TTC29: variants seen among roughly 807,000 people sequenced by gnomAD.
TTC29 encodes tetratricopeptide repeat domain 29, also known as tetratricopeptide repeat protein 29.
A neutral mutation model predicts 58.1 loss-of-function variants in TTC29; 49 were observed. That is an observed-to-expected ratio of 0.84 (90% CI 0.67 to 1.07). TTC29 has a LOEUF of 1.07. TTC29 is among the 50% of genes least tolerant of loss of function. The pLI is 0.00. For missense variants in TTC29, 582 were observed against 555.6 expected (o/e 1.05, Z -0.48); for synonymous variants, 209 against 196.8 (o/e 1.06, Z -0.52).
chr4:146,771,375 A>T (rs1747714471), intron 11 of TTC29, among the ~76,000 whole-genome samples: 1 of 152,044 alleles, frequency 6.6e-6, no homozygotes, highest in Non-Finnish European at 1.5e-5. Context: ...TAAGCATAGT[A>T]TCTGATAGGT....
chr4:146,800,459 A>T (rs1458976083), intron 11 of TTC29, among the ~76,000 whole-genome samples: 1 of 152,208 alleles, frequency 6.6e-6, no homozygotes, highest in African/African-American at 2.4e-5. Flanking sequence ...GGACTCTTCA[A>T]TGGCAAGATT....
rs1463604298 is a variant in TTC29 at position 146,874,927 on chromosome 4, AC to A, written c.587del (p.Gly196ValfsTer16). On this transcript the variant is annotated frameshift_variant and splice_region_variant, in exon 7 of 13. Coordinates refer to ENST00000325106, the MANE Select transcript of TTC29 (RefSeq NM_031956.4). LOFTEE classifies it high-confidence loss of function. Reference sequence around the variant, plus strand: ...AATGCTCAGCAGCTTCCAGAAGCTGACCTGGAGAATAAAAGCCATTCATAAG... The same window carrying A: ...AATGCTCAGCAGCTTCCAGAAGCTGACTGGAGAATAAAAGCCATTCATAAG... ...MHMGLLYEED[G>X]QLLEAAEHYE... is the part of the protein sequence containing the mutation. 6.2e-7 allele frequency: 1 copy of A among 1,612,422 alleles called. No individual in the cohort carries two copies. Among genetic ancestry groups the A allele is most frequent in the Non-Finnish European group, 8.5e-7 (1 of 1,179,078 alleles).
chr4:146,728,763 A>G lies in TTC29; in HGVS notation c.1331-21212T>C, dbSNP rs376224511. Among the ~76,000 whole-genome samples the G allele has an allele frequency of 4.3e-3, 277 of 65,046 alleles. 3 individuals carry two copies. Among genetic ancestry groups the G allele is most frequent in the African/African-American group, 7.7e-3 (186 of 24,124 alleles). 42.7% of individuals were successfully genotyped at this position (65,046 alleles called of 152,430 possible). A position where few individuals can be genotyped will look rare whatever the true frequency, so the allele number is the denominator to read the frequency against. ...ATAACTGTCCAGAGGATATATGTAC[A>G]TATATATACACATATATATGTGTAT... On this transcript the variant is annotated intron_variant, in intron 11 of 12. Transcript: ENST00000325106.
At chr4:146,942,189 G>A (rs1335963076) in intron 2 of TTC29, among the ~76,000 whole-genome samples, 4 of 152,132 alleles carry the variant, frequency 2.6e-5, no homozygotes. Context: ...ATCAAGGCAT[G>A]ATATGATCTA....
intron 9 of TTC29, among the ~76,000 whole-genome samples, chr4:146,828,432 G>A (rs1727952156): frequency 6.6e-6 from 1 of 151,754 alleles, no homozygotes; most frequent in Non-Finnish European, 1.5e-5. Flanking sequence ...AAAATTGATG[G>A]GGGAAACATG....
chr4:146,838,558 T>C (rs2150165139), intron 8 of TTC29, among the ~76,000 whole-genome samples: 1 of 152,152 alleles, frequency 6.6e-6, no homozygotes, highest in East Asian at 1.9e-4. Context: ...TCTAATAATT[T>C]CAAGCACCCA....
intron 8 of TTC29, among the ~76,000 whole-genome samples, chr4:146,863,658 G>T (rs187430508): frequency 3.3e-5 from 5 of 152,296 alleles, no homozygotes; most frequent in Admixed American, 1.3e-4. Flanking sequence ...GGTACTGGCT[G>T]CCGTGATTAT....
At chr4:146,872,329 G>T (rs1250146115) in intron 7 of TTC29, among the ~76,000 whole-genome samples, 1 of 151,898 alleles carries the variant, frequency 6.6e-6, no homozygotes, top group Admixed American at 6.6e-5. Context: ...ACCTTGCATT[G>T]GTCAAAGCCT....
chr4:146,714,042 A>G (rs551926277), intron 11 of TTC29, among the ~76,000 whole-genome samples: 2 of 152,188 alleles, frequency 1.3e-5, no homozygotes, highest in South Asian at 2.1e-4. Flanking sequence ...AATCAGATTG[A>G]CTCTTTTCCT....
chr4:146,785,090 T>A (rs78142972), intron 11 of TTC29, among the ~76,000 whole-genome samples: 2,024 of 152,270 alleles, frequency 0.013, 19 homozygotes, highest in Non-Finnish European at 0.023. Context: ...TGTGTAAGAG[T>A]GTGTGTGTCT....
intron 8 of TTC29, among the ~76,000 whole-genome samples, chr4:146,835,325 T>A (rs1414399073): frequency 4.6e-5 from 7 of 152,114 alleles, no homozygotes; most frequent in African/African-American, 1.7e-4. Flanking sequence ...TTAGATCTAA[T>A]CTGATATGAA....
intron 11 of TTC29, among the ~76,000 whole-genome samples, chr4:146,725,668 T>A (rs780981878): frequency 7.9e-5 from 12 of 152,228 alleles, no homozygotes; most frequent in Non-Finnish European, 1.5e-4. Context: ...TATATCTGTC[T>A]GCCTGTCTAT....
intron 8 of TTC29, among the ~76,000 whole-genome samples, chr4:146,857,317 A>G (rs1252378699): frequency 7.3e-6 from 1 of 137,670 alleles, no homozygotes; most frequent in East Asian, 2.2e-4. Flanking sequence ...TGCTAAATAG[A>G]AAGAGGTCTG....
intron 6 of TTC29, among the ~76,000 whole-genome samples, chr4:146,879,605 A>G (rs1731491135): frequency 6.6e-6 from 1 of 152,218 alleles, no homozygotes; most frequent in Non-Finnish European, 1.5e-5. Flanking sequence ...TAACTTCTAC[A>G]AAGCTTTCAT....
At chr4:146,846,067 T>A (rs1729149809) in intron 8 of TTC29, among the ~76,000 whole-genome samples, 1 of 152,118 alleles carries the variant, frequency 6.6e-6, no homozygotes, top group Non-Finnish European at 1.5e-5. Flanking sequence ...TTAACATGGC[T>A]ATAACAAACC....
At chr4:146,753,575 A>T (rs925245246) in intron 11 of TTC29, among the ~76,000 whole-genome samples, 12 of 152,340 alleles carry the variant, frequency 7.9e-5, no homozygotes, top group African/African-American at 2.9e-4. Flanking sequence ...AAGGATTATA[A>T]ATCATGCTGC....
At chr4:146,939,924 A>G in intron 2 of TTC29, 23 bp from the exon 3 acceptor site, 1 of 1,583,616 alleles carries the variant, frequency 6.3e-7, no homozygotes, top group Non-Finnish European at 8.6e-7. Context: ...ATAAGTAGAA[A>G]TTGTATTTTA....
intron 11 of TTC29, among the ~76,000 whole-genome samples, chr4:146,753,393 C>T (rs1317064899): frequency 6.6e-6 from 1 of 152,174 alleles, no homozygotes; most frequent in Non-Finnish European, 1.5e-5. Context: ...ATTAAAACGT[C>T]AGGAAACAAC....
chr4:146,788,983 T>A (rs921714126), intron 11 of TTC29, among the ~76,000 whole-genome samples: 1 of 152,162 alleles, frequency 6.6e-6, no homozygotes, highest in East Asian at 1.9e-4. Flanking sequence ...AAGGAGGTGA[T>A]GGGGATAGAT....
Sources: gnomAD v4.1 joint callset for allele counts (sites outside exome capture counted in the v4.1 genomes callset) on GRCh38, gnomAD v4.1.1 for gene constraint, MANE v1.5 for transcripts, NCBI Gene and HGNC (gene_info 2026-07-23, HGNC 2026-07-21) for gene names.